Variants in SLCO1A2 observed in about 807,000 individuals in gnomAD.
The protein encoded by SLCO1A2 is OATP-1.
SLCO1A2 carries 67 observed loss-of-function variants against 69.0 expected under a neutral mutation model. The ratio of observed to expected loss-of-function variants is 0.97; its 90% CI spans 0.80 to 1.19. SLCO1A2 has a LOEUF of 1.19. SLCO1A2 is among the 50% of genes most tolerant of loss of function. SLCO1A2 has a pLI of 0.00. For synonymous variants in SLCO1A2, 260 were observed against 265.9 expected, an observed-to-expected ratio of 0.98 and a Z score of 0.22; for missense variants, 787 against 793.7, an observed-to-expected ratio of 0.99 and a Z score of 0.10.
rs907574630 is a variant in SLCO1A2 at position 21,378,071 on chromosome 12, CA to C, written c.-189-3547del. 6.0e-5 allele frequency among the ~76,000 whole-genome samples: 9 copies of C among 151,072 alleles called. 1 individual carries two copies. In the Middle Eastern group the frequency reaches 0.017, roughly 285 times the overall value. On this transcript the variant is annotated intron_variant, in intron 1 of 15. Coordinates refer to the SLCO1A2 transcript ENST00000307378. ...ATTTTCAATTGTTATTTCAAGGTGT[CA>C]AAAAAAAATCTCAGCCATCTAGGTG...
At chr12:21,322,559 A>T (rs537338535) in intron 2 of SLCO1A2, among the ~76,000 whole-genome samples, 1 of 152,316 alleles carries the variant, frequency 6.6e-6, no homozygotes, top group African/African-American at 2.4e-5. Context: ...ATCAATAGAA[A>T]ATAATATCTG....
At chr12:21,368,519 T>C (rs1382076089) in intron 2 of SLCO1A2, among the ~76,000 whole-genome samples, 1 of 152,132 alleles carries the variant, frequency 6.6e-6, no homozygotes, top group African/African-American at 2.4e-5. Context: ...AATGAATATT[T>C]ATATTAAGGA....
intron 2 of SLCO1A2, among the ~76,000 whole-genome samples, chr12:21,341,288 G>T (rs1002736686): frequency 1.3e-5 from 2 of 151,912 alleles, no homozygotes; most frequent in Admixed American, 6.6e-5. Context: ...TTTAAAAGTG[G>T]TTATTTCTGT....
At chr12:21,307,669 G>A (rs11045961) in intron 4 of SLCO1A2, among the ~76,000 whole-genome samples, 13,910 of 152,154 alleles carry the variant, frequency 0.091, 893 homozygotes, top group Non-Finnish European at 0.13. Flanking sequence ...ATTACATGCC[G>A]TAAGATGGGA....
At chr12:21,292,632 G>A (rs1231691231) in intron 11 of SLCO1A2, among the ~76,000 whole-genome samples, 3 of 151,914 alleles carry the variant, frequency 2.0e-5, no homozygotes, top group Non-Finnish European at 1.5e-5. Flanking sequence ...GACTCACCCT[G>A]TCGCCCAGGC....
At chr12:21,329,130 C>G (rs1173001241) in intron 2 of SLCO1A2, among the ~76,000 whole-genome samples, 1 of 152,138 alleles carries the variant, frequency 6.6e-6, no homozygotes, top group Non-Finnish European at 1.5e-5. Context: ...TGCATCAACC[C>G]AAACAAGCTC....
intron 2 of SLCO1A2, among the ~76,000 whole-genome samples, chr12:21,340,402 A>G (rs1033786835): frequency 3.6e-4 from 55 of 152,096 alleles, no homozygotes; most frequent in African/African-American, 1.3e-3. Context: ...GCCAGATTAC[A>G]AACAGTACAT....
chr12:21,313,900 G>A (rs1301838689), intron 4 of SLCO1A2, among the ~76,000 whole-genome samples: 3 of 150,350 alleles, frequency 2.0e-5, no homozygotes, highest in Admixed American at 1.3e-4. Context: ...GGAGGTGGAG[G>A]TTGCAGTGAC....
chr12:21,325,556 C>T (rs1453064510), intron 2 of SLCO1A2, among the ~76,000 whole-genome samples: 1 of 152,142 alleles, frequency 6.6e-6, no homozygotes, highest in Non-Finnish European at 1.5e-5. Context: ...TTTCAGCTCC[C>T]TCATTATAAC....
At chr12:21,419,425 G>A (rs9788266), upstream of SLCO1A2, 54,809 of 153,108 alleles carry the variant, frequency 0.36, 10,119 homozygotes, top group Middle Eastern at 0.45. Flanking sequence ...AGGGGTCAGC[G>A]AGTTCCCTTT....
chr12:21,300,265 T>C lies in SLCO1A2; in HGVS notation c.910+83A>G, dbSNP rs968333662. 5.1e-6 allele frequency: 5 copies of C among 985,256 alleles called. No homozygotes were observed. In the African/African-American group the frequency reaches 8.2e-5, roughly 16 times the overall value. The allele number at this position is 985,256 out of a possible 1,614,324, so 61.0% of individuals were successfully genotyped here. A position where few individuals can be genotyped will look rare whatever the true frequency, so the allele number is the denominator to read the frequency against. On this transcript the variant is annotated intron_variant, in intron 8 of 14. Coordinates refer to ENST00000683939, the MANE Select transcript of SLCO1A2 (RefSeq NM_001386879.1). ...CAAATTGTCTCAACACAGCATAGCA[T>C]ATCATAGTGTTAGACTAAAATACAG...
upstream of SLCO1A2, among the ~76,000 whole-genome samples, chr12:21,397,518 C>T (rs920499468): frequency 2.0e-4 from 30 of 152,146 alleles, no homozygotes; most frequent in African/African-American, 3.9e-4. Flanking sequence ...CTGCACCAAG[C>T]GGACCTAATA....
chr12:21,352,140 G>A (rs1209044907), intron 2 of SLCO1A2, among the ~76,000 whole-genome samples: 1 of 152,090 alleles, frequency 6.6e-6, no homozygotes, highest in Non-Finnish European at 1.5e-5. Flanking sequence ...CACTCAAAAG[G>A]TCTACTATTT....
At chr12:21,338,846 A>G (rs547907999), upstream of SLCO1A2, among the ~76,000 whole-genome samples, 8 of 152,124 alleles carry the variant, frequency 5.3e-5, no homozygotes, top group East Asian at 1.5e-3. Context: ...CTGAAAATTC[A>G]ATAAAATGAT....
chr12:21,287,917 C>T (rs1431649587), intron 12 of SLCO1A2, among the ~76,000 whole-genome samples: 6 of 121,512 alleles, frequency 4.9e-5, no homozygotes, highest in Non-Finnish European at 1.0e-4. Context: ...TGCTAGATGA[C>T]GAGTTAGTGG....
chr12:21,314,332 C>T (rs1296659252), intron 4 of SLCO1A2, among the ~76,000 whole-genome samples: 1 of 152,076 alleles, frequency 6.6e-6, no homozygotes, highest in African/African-American at 2.4e-5. Flanking sequence ...AGAAAAGGTC[C>T]CAAATCCCCA....
At chr12:21,272,349 T>C (rs945793664) in intron 14 of SLCO1A2, among the ~76,000 whole-genome samples, 1 of 151,926 alleles carries the variant, frequency 6.6e-6, no homozygotes, top group Non-Finnish European at 1.5e-5. Context: ...CTCATTTTTG[T>C]CTGTATTTAA....
upstream of SLCO1A2, among the ~76,000 whole-genome samples, chr12:21,400,172 A>G (rs1941639721): frequency 6.6e-6 from 1 of 152,210 alleles, no homozygotes; most frequent in African/African-American, 2.4e-5. Flanking sequence ...GCTCAAACAA[A>G]TTTACAAGAA....
intron 4 of SLCO1A2, among the ~76,000 whole-genome samples, chr12:21,307,695 A>T (rs1949598452): frequency 6.6e-6 from 1 of 152,182 alleles, no homozygotes; most frequent in South Asian, 2.1e-4. Flanking sequence ...AGTATGTTCA[A>T]AGTATGTTCA....
Sources: allele counts gnomAD v4.1 joint callset (sites outside exome capture counted in the v4.1 genomes callset), GRCh38; gene constraint gnomAD v4.1.1; transcripts MANE v1.5; gene names NCBI Gene and HGNC (gene_info 2026-07-23, HGNC 2026-07-21).